Variants in CYRIA observed in about 807,000 individuals in gnomAD.
CYRIA encodes the protein CYFIP-related Rac1 interactor A.
Under a neutral mutation model 43.9 loss-of-function variants are expected in CYRIA, and 15 were observed. The observed-to-expected ratio is 0.34, with a 90% CI of 0.23 to 0.53. CYRIA has a LOEUF of 0.53. Among genes scored for constraint, CYRIA ranks in the 20% least tolerant of loss-of-function variants. The pLI, the probability that CYRIA is intolerant of heterozygous loss-of-function variation, is 0.94. For synonymous variants in CYRIA, 117 were observed against 136.0 expected (o/e 0.86, Z 0.97); for missense variants, 236 against 394.2 (o/e 0.60, Z 3.40).
intron 2 of CYRIA, among the ~76,000 whole-genome samples, chr2:16,611,966 T>C (rs750014074): frequency 6.6e-6 from 1 of 152,180 alleles, no homozygotes; most frequent in East Asian, 1.9e-4. Context: ...CAGGCCACGA[T>C]GCCTGTCCCA....
At chr2:16,638,319 T>G (rs1173098037) in intron 1 of CYRIA, among the ~76,000 whole-genome samples, 1 of 152,090 alleles carries the variant, frequency 6.6e-6, no homozygotes, top group Non-Finnish European at 1.5e-5. Context: ...ACACAGGAAA[T>G]GACGATTAAG....
At chr2:16,573,876 C>T (rs761251801) in intron 3 of CYRIA, among the ~76,000 whole-genome samples, 30 of 152,168 alleles carry the variant, frequency 2.0e-4, no homozygotes, top group African/African-American at 6.0e-4. Context: ...ATCAGTAGCT[C>T]GTGAAAATGA....
At chr2:16,627,268 G>T (rs369864418) in intron 1 of CYRIA, among the ~76,000 whole-genome samples, 1 of 105,972 alleles carries the variant, frequency 9.4e-6, no homozygotes, top group African/African-American at 4.8e-5. Context: ...CCCACCCTCC[G>T]GGGTGGGCAA....
At chr2:16,642,903 C>T (rs1385157229) in intron 1 of CYRIA, among the ~76,000 whole-genome samples, 4 of 152,070 alleles carry the variant, frequency 2.6e-5, no homozygotes, top group African/African-American at 9.7e-5. Flanking sequence ...CCATAATCTC[C>T]TTGGTTCGGC....
intron 2 of CYRIA, among the ~76,000 whole-genome samples, chr2:16,600,514 C>A (rs1337165204): frequency 6.6e-6 from 1 of 152,176 alleles, no homozygotes; most frequent in Non-Finnish European, 1.5e-5. Context: ...CTTCCGCATT[C>A]AGGTGATGCA....
chr2:16,656,276 A>T (rs1412144889), intron 1 of CYRIA, among the ~76,000 whole-genome samples: 1 of 151,972 alleles, frequency 6.6e-6, no homozygotes, highest in African/African-American at 2.4e-5. Context: ...ATACACATCC[A>T]CATATCCACA....
At chr2:16,556,873 A>G (rs537966306) in intron 10 of CYRIA, among the ~76,000 whole-genome samples, 2 of 152,216 alleles carry the variant, frequency 1.3e-5, no homozygotes, top group South Asian at 4.1e-4. Context: ...CCTCATTCTC[A>G]GGGACAATTT....
intron 10 of CYRIA, 117 bp from the exon 11 acceptor site, chr2:16,555,256 G>T: frequency 1.0e-6 from 1 of 988,846 alleles, no homozygotes; most frequent in Non-Finnish European, 1.5e-6. Flanking sequence ...GAAATCCAAC[G>T]CAGAAATGAC....
intron 3 of CYRIA, among the ~76,000 whole-genome samples, chr2:16,587,797 C>G (rs538710131): frequency 6.6e-6 from 1 of 152,168 alleles, no homozygotes; most frequent in African/African-American, 2.4e-5. Context: ...TGCCTGCCAC[C>G]ATGTAAGACG....
intron 10 of CYRIA, among the ~76,000 whole-genome samples, chr2:16,555,598 G>A (rs1411600986): frequency 1.3e-5 from 2 of 152,044 alleles, no homozygotes; most frequent in South Asian, 2.1e-4. Context: ...TCCTTCACCT[G>A]TTTGACTGGC....
chr2:16,619,024 C>T (rs1248681983), intron 2 of CYRIA, among the ~76,000 whole-genome samples: 2 of 152,224 alleles, frequency 1.3e-5, no homozygotes, highest in African/African-American at 2.4e-5. Context: ...GATGTCCTCA[C>T]AGCTGTGGGC....
chr2:16,589,231 G>A (rs1249448118), intron 2 of CYRIA, among the ~76,000 whole-genome samples: 1 of 152,082 alleles, frequency 6.6e-6, no homozygotes, highest in Non-Finnish European at 1.5e-5. Context: ...CAAGGAAACT[G>A]CTGGGCTTCA....
At chr2:16,647,288 A>T (rs1669847467) in intron 1 of CYRIA, among the ~76,000 whole-genome samples, 1 of 152,198 alleles carries the variant, frequency 6.6e-6, no homozygotes, top group Non-Finnish European at 1.5e-5. Flanking sequence ...AGTTGACTTG[A>T]AGCAAAGAAA....
chr2:16,571,712 T>G (rs1667132800), intron 3 of CYRIA, among the ~76,000 whole-genome samples: 1 of 152,344 alleles, frequency 6.6e-6, no homozygotes, highest in South Asian at 2.1e-4. Flanking sequence ...CCATGACTGT[T>G]GTATAAACAC....
In CYRIA at chr2:16,561,252, T is replaced by C. The variant is rs1437177678; in HGVS notation, c.539A>G (p.Asn180Ser). The change falls in exon 8 of 12, where the codon AAT becomes AGT. Residue 180 changes from asparagine (N) to serine (S), a missense_variant. Physicochemically the swap from Asn to Ser is conservative, Grantham distance 46 (BLOSUM62 1). Transcript: ENST00000381323. Reference protein sequence around the residue: ...MHLDIENEVNNEMANRMSLFY... With the variant: ...MHLDIENEVNSEMANRMSLFY... ...GAGGGACATTCGATTGGCCATCTCA[T>C]TATTGACTTCATTCTCAATGTCTAG... 2 of 1,613,316 alleles carry C rather than the reference T, an allele frequency of 1.2e-6. No individual in the cohort carries two copies. The highest frequency in any genetic ancestry group is 3.3e-5 in the Admixed American group (2 of 60,004).
At chr2:16,601,910 A>T (rs1668221802) in intron 2 of CYRIA, among the ~76,000 whole-genome samples, 1 of 152,224 alleles carries the variant, frequency 6.6e-6, no homozygotes, top group African/African-American at 2.4e-5. Context: ...TTCTATAAAT[A>T]AGACATATCA....
intron 2 of CYRIA, among the ~76,000 whole-genome samples, chr2:16,610,162 C>G (rs1322068002): frequency 1.3e-5 from 2 of 152,214 alleles, no homozygotes; most frequent in Non-Finnish European, 2.9e-5. Flanking sequence ...ATAGTGTCAT[C>G]TTTAATGCCA....
intron 3 of CYRIA, among the ~76,000 whole-genome samples, chr2:16,584,369 G>C (rs75938064): frequency 1.9e-3 from 282 of 152,268 alleles, no homozygotes; most frequent in African/African-American, 6.7e-3. Flanking sequence ...TGGGTTAAGT[G>C]CTGAGTCACA....
At chr2:16,559,719 T>C (rs1356435204) in intron 9 of CYRIA, 133 bp from the exon 10 acceptor site, 2 of 949,832 alleles carry the variant, frequency 2.1e-6, no homozygotes, top group Non-Finnish European at 3.0e-6. Flanking sequence ...AACCAGTTAA[T>C]ATGCTTCTGA....
Sources: gnomAD v4.1 joint callset for allele counts (sites outside exome capture counted in the v4.1 genomes callset) on GRCh38, gnomAD v4.1.1 for gene constraint, MANE v1.5 for transcripts, NCBI Gene and HGNC (gene_info 2026-07-23, HGNC 2026-07-21) for gene names.